AREL1: variants seen among roughly 807,000 people sequenced by gnomAD.
AREL1 encodes the protein apoptosis-resistant E3 ubiquitin protein ligase 1.
In AREL1, 62 loss-of-function variants were observed where a neutral mutation model predicts 99.0. That is an observed-to-expected ratio of 0.63 (90% CI 0.51 to 0.77). The LOEUF is 0.77. AREL1 is among the 30% of genes least tolerant of loss of function. The pLI is 0.00. For synonymous variants in AREL1, 380 were observed against 376.5 expected (o/e 1.01, Z -0.11); for missense variants, 879 against 1,027.6 (o/e 0.86, Z 1.98).
intron 1 of AREL1, chr14:74,712,038 C>CAAAAAAAAAAAAAAAAAAAAAAAAAAA (rs752599769): frequency 7.0e-4 from 20 of 28,704 alleles, no homozygotes; most frequent in African/African-American, 1.2e-3. Context: ...AGACAAAGTG[C>CAAAAAAAAAAAAAAAAAAAAAAAAAAA]AAAAAAAAAA....
intron 1 of AREL1, among the ~76,000 whole-genome samples, chr14:74,696,706 T>C (rs2089984943): frequency 6.6e-6 from 1 of 152,180 alleles, no homozygotes; most frequent in Non-Finnish European, 1.5e-5. Context: ...GGCTCACGCC[T>C]GTAATCCCAG....
At chr14:74,667,742 C>T (rs1184882451) in intron 15 of AREL1, 148 bp from the exon 16 acceptor site, 3 of 1,045,188 alleles carry the variant, frequency 2.9e-6, no homozygotes, top group East Asian at 5.2e-5. Context: ...CTTTTCAACA[C>T]ACTTGGTTTA....
Position 74,662,745 on chromosome 14 carries a change from C to G in AREL1, c.*975G>C. 2.5e-6 allele frequency: 1 copy of G among 397,110 alleles called. No homozygotes were observed. Among genetic ancestry groups the G allele is most frequent in the Admixed American group, 4.4e-5 (1 of 22,698 alleles). 24.6% of individuals were successfully genotyped at this position (397,110 alleles called of 1,614,324 possible). A position where few individuals can be genotyped will look rare whatever the true frequency, so the allele number is the denominator to read the frequency against. On this transcript the variant is annotated 3_prime_UTR_variant, in exon 20 of 20. Transcript: ENST00000356357. ...CTTAGTGCTGCCAGAGAACACCAAG[C>G]AGAGAGAGAATCAGGGATTGCTGGC...
At chr14:74,671,972 A>G in intron 11 of AREL1, 1 of 455,066 alleles carries the variant, frequency 2.2e-6, no homozygotes, top group Non-Finnish European at 4.4e-6. Flanking sequence ...CACCTACCAG[A>G]GCCAAACATC....
At position 74,669,954 on chromosome 14, in the gene AREL1, T is replaced by C. The variant is rs764170036; in HGVS notation, c.1781A>G (p.His594Arg). 1.2e-6 allele frequency: 2 copies of C among 1,608,850 alleles called. No individual in the cohort carries two copies. The highest frequency in any genetic ancestry group is 1.3e-5 in the African/African-American group (1 of 74,742). Reference sequence around the variant, plus strand: ...GCACACCCAAGATGTTACCTTGTAATGCATACGCAGTCCTATGATTTGGGC... The same window carrying C: ...GCACACCCAAGATGTTACCTTGTAACGCATACGCAGTCCTATGATTTGGGC... ...FLAQIIGLRMHYKYFETDDPE... is the reference protein window; with the variant it reads ...FLAQIIGLRMRYKYFETDDPE... The change falls in exon 14 of 20, where the codon CAT (histidine) becomes CGT (arginine). Residue 594 changes from histidine to arginine, a missense_variant. His to Arg is a conservative substitution (Grantham distance 29, BLOSUM62 0). Coordinates refer to ENST00000356357, the MANE Select transcript of AREL1 (RefSeq NM_001039479.2).
At chr14:74,712,244 A>G (rs1566710544) in intron 1 of AREL1, among the ~76,000 whole-genome samples, 1 of 152,130 alleles carries the variant, frequency 6.6e-6, no homozygotes, top group Non-Finnish European at 1.5e-5. Context: ...GAATAAAGTG[A>G]CAAGTACAGT....
At chr14:74,701,708 G>A (rs576836202) in intron 1 of AREL1, 10 of 152,226 alleles carry the variant, frequency 6.6e-5, no homozygotes, top group African/African-American at 1.9e-4. Context: ...GTCCTCCAAA[G>A]TCTTAACTCA....
intron 5 of AREL1, among the ~76,000 whole-genome samples, chr14:74,677,318 T>G (rs1451771508): frequency 2.6e-5 from 4 of 151,554 alleles, no homozygotes; most frequent in Non-Finnish European, 4.4e-5. Context: ...TTGAGCAACA[T>G]AGCAAGACCA....
Position 74,661,515 on chromosome 14 carries a change from T to C in AREL1, c.*2205A>G. On this transcript the variant is annotated 3_prime_UTR_variant, in exon 20 of 20. Transcript: ENST00000356357. ...AAGAACTGGCCAAAATAAGAAACAC[T>C]AATAGAAAATTGCCCAAGAAATAAC... is the stretch of plus-strand genomic sequence containing the variant. 1 of 276,802 alleles carries C rather than the reference T, an allele frequency of 3.6e-6. No individual in the cohort carries two copies. The highest frequency in any genetic ancestry group is 7.3e-6 in the Non-Finnish European group (1 of 137,694). 17.1% of individuals were successfully genotyped at this position (276,802 alleles called of 1,614,324 possible).
intron 13 of AREL1, 90 bp downstream of exon 13, chr14:74,670,672 G>C: frequency 9.3e-7 from 1 of 1,078,840 alleles, no homozygotes; most frequent in Non-Finnish European, 1.4e-6. Flanking sequence ...AGGTTGTCAG[G>C]TTCCCAGATC....
chr14:74,666,679 T>A (rs1017006231), intron 17 of AREL1, among the ~76,000 whole-genome samples: 1 of 151,984 alleles, frequency 6.6e-6, no homozygotes, highest in African/African-American at 2.4e-5. Context: ...TAGGATTTTA[T>A]AGACGGTACA....
intron 1 of AREL1, among the ~76,000 whole-genome samples, chr14:74,703,069 C>A (rs997387942): frequency 2.6e-5 from 4 of 152,302 alleles, no homozygotes; most frequent in Non-Finnish European, 5.9e-5. Context: ...TCCAAAGTTA[C>A]TTCCATATTT....
At chr14:74,712,609 T>C (rs2090333742) in intron 1 of AREL1, among the ~76,000 whole-genome samples, 1 of 152,076 alleles carries the variant, frequency 6.6e-6, no homozygotes, top group African/African-American at 2.4e-5. Flanking sequence ...TATGCCCCAA[T>C]TCTCTAGCGA....
chr14:74,698,405 A>G (rs760169529), intron 1 of AREL1, among the ~76,000 whole-genome samples: 30 of 152,222 alleles, frequency 2.0e-4, no homozygotes, highest in Non-Finnish European at 4.0e-4. Context: ...TCTGGGAGGC[A>G]TGAAATGGGG....
At chr14:74,703,783 T>C (rs961514448) in intron 1 of AREL1, among the ~76,000 whole-genome samples, 2 of 152,194 alleles carry the variant, frequency 1.3e-5, no homozygotes, top group African/African-American at 4.8e-5. Context: ...GTATCATAGA[T>C]AAAGCTGCTA....
chr14:74,676,410 T>C, intron 6 of AREL1, 89 bp from the exon 7 acceptor site: 1 of 1,484,960 alleles, frequency 6.7e-7, no homozygotes, highest in African/African-American at 1.4e-5. Context: ...TTCCTATCTA[T>C]GATCTAATCT....
intron 1 of AREL1, among the ~76,000 whole-genome samples, chr14:74,706,193 C>T (rs1489580031): frequency 6.6e-6 from 1 of 152,136 alleles, no homozygotes; most frequent in Non-Finnish European, 1.5e-5. Flanking sequence ...TGACTTTGGA[C>T]CACTGAATCT....
intron 2 of AREL1, among the ~76,000 whole-genome samples, chr14:74,691,494 C>G (rs2089879571): frequency 6.6e-6 from 1 of 152,142 alleles, no homozygotes; most frequent in Non-Finnish European, 1.5e-5. Context: ...ACTATCCAAT[C>G]TTACTGTGAG....
intron 1 of AREL1, among the ~76,000 whole-genome samples, chr14:74,697,818 G>C (rs2090004818): frequency 6.6e-6 from 1 of 152,062 alleles, no homozygotes; most frequent in Non-Finnish European, 1.5e-5. Context: ...TACTACTCTT[G>C]AGCAGGCAAT....
Sources: allele counts gnomAD v4.1 joint callset (sites outside exome capture counted in the v4.1 genomes callset), GRCh38; gene constraint gnomAD v4.1.1; transcripts MANE v1.5; gene names NCBI Gene and HGNC (gene_info 2026-07-23, HGNC 2026-07-21).